Variants in PRDM15 observed in about 807,000 individuals in gnomAD.
PRDM15 encodes PR/SET domain 15.
A neutral mutation model predicts 128.6 loss-of-function variants in PRDM15; 64 were observed. The observed-to-expected ratio is 0.50, with a 90% CI of 0.41 to 0.61. The LOEUF (loss-of-function observed/expected upper bound fraction) is 0.61. Ranked by LOEUF, PRDM15 falls within the 20% of genes least tolerant of loss-of-function variation. PRDM15 has a pLI of 0.00. For missense variants in PRDM15, 1,242 were observed against 1,569.1 expected, an observed-to-expected ratio of 0.79 and a Z score of 3.52; for synonymous variants, 615 against 621.8, an observed-to-expected ratio of 0.99 and a Z score of 0.16.
rs561453859 is a variant in PRDM15, at chr21:41,862,204, C to T, written c.-9-1832G>A. Among the ~76,000 whole-genome samples, 4 of 152,318 alleles carry T rather than the reference C, an allele frequency of 2.6e-5. No individual in the cohort carries two copies. Among genetic ancestry groups the T allele is most frequent in the African/African-American group, 9.6e-5 (4 of 41,576 alleles). ...CCCCTGCAGGAACCCACGTGACTCACGGTCAGGAGCTTGGGCGATGGGAAC... is the reference window on the plus strand; with the variant it reads ...CCCCTGCAGGAACCCACGTGACTCATGGTCAGGAGCTTGGGCGATGGGAAC... On this transcript the variant is annotated intron_variant, in intron 1 of 23. Transcript: ENST00000398548. This position sits in a 1 kb window ranked among gnomAD's most constrained non-coding sequence, Gnocchi z 4.1.
At chr21:41,867,367 T>A in intron 1 of PRDM15, 4 of 1,613,740 alleles carry the variant, frequency 2.5e-6, no homozygotes, top group Non-Finnish European at 3.4e-6. Context: ...AAAAGTTTTG[T>A]GCAAAGGGTC....
chr21:41,826,360 G>T (rs2092495574), intron 12 of PRDM15, among the ~76,000 whole-genome samples: 1 of 152,182 alleles, frequency 6.6e-6, no homozygotes, highest in Non-Finnish European at 1.5e-5. Flanking sequence ...AATGTTCCTA[G>T]GTGGCAGAGC....
chr21:41,816,164 A>G (rs1167265145), intron 18 of PRDM15, among the ~76,000 whole-genome samples: 1 of 152,240 alleles, frequency 6.6e-6, no homozygotes, highest in African/African-American at 2.4e-5. Flanking sequence ...GGTGAGAGAT[A>G]GATTAATACA....
intron 11 of PRDM15, among the ~76,000 whole-genome samples, chr21:41,830,577 C>T (rs1019731102): frequency 6.6e-6 from 1 of 151,762 alleles, no homozygotes; most frequent in Non-Finnish European, 1.5e-5. Context: ...TCAACACACA[C>T]ACCACACACC....
chr21:41,828,279 T>A lies in PRDM15; in HGVS notation c.1421A>T (p.Asn474Ile). ...MCFRFFSTNS[N>I]LSKHKKKHGD... Reference sequence around the variant, plus strand: ...GTGCTTCTTCTTGTGCTTGGAGAGGTTGCTGTTGGTGGAGAAGAATCTGAA... The same window carrying A: ...GTGCTTCTTCTTGTGCTTGGAGAGGATGCTGTTGGTGGAGAAGAATCTGAA... The change falls in exon 12 of 24, where the codon AAC (asparagine) becomes ATC (isoleucine). Residue 474 changes from asparagine (N) to isoleucine (I), a missense_variant. This residue lies in a region of PRDM15 where 612 missense variants were observed against 717.0 expected (regional missense o/e 0.85). Coordinates refer to ENST00000398548, the MANE Select transcript of PRDM15 (RefSeq NM_001040424.3). This position sits in a 1 kb window ranked among gnomAD's most constrained non-coding sequence, Gnocchi z 5.7. The A allele has an allele frequency of 6.2e-7, 1 of 1,613,856 alleles. No homozygotes were observed. Among genetic ancestry groups the A allele is most frequent in the Non-Finnish European group, 8.5e-7 (1 of 1,179,942 alleles).
Position 41,839,837 on chromosome 21 carries a change from G to A in PRDM15, c.657C>T (p.His219=), listed in dbSNP as rs760908614. ...GAGGAAGGCTTTTGGCTTGTTCTAA[G>A]TGGCCCAACAGATGTTCTGCAAAGA... ...LQLLNEHLLG[H]LEQAKSLPPG... The change falls in exon 7 of 24, where the codon CAC becomes CAT. Residue 219 remains histidine, a synonymous_variant. Coordinates refer to ENST00000398548, the MANE Select transcript of PRDM15 (RefSeq NM_001040424.3). 6 of 1,614,110 alleles carry A rather than the reference G, an allele frequency of 3.7e-6. No homozygotes were observed. In the African/African-American group the frequency reaches 8.0e-5, roughly 22 times the overall value.
chr21:41,802,103 C>A (rs907861567), intron 23 of PRDM15, among the ~76,000 whole-genome samples: 1 of 152,130 alleles, frequency 6.6e-6, no homozygotes, highest in Non-Finnish European at 1.5e-5. Flanking sequence ...CAGTACCAAT[C>A]GCTAATAAGA....
At chr21:41,871,161 C>T (rs1338857419) in intron 1 of PRDM15, among the ~76,000 whole-genome samples, 7 of 152,202 alleles carry the variant, frequency 4.6e-5, no homozygotes, top group Non-Finnish European at 1.0e-4. Context: ...CACAATACAG[C>T]AACCACTCCT....
At chr21:41,852,956 G>A (rs768445691) in intron 5 of PRDM15, among the ~76,000 whole-genome samples, 7 of 152,236 alleles carry the variant, frequency 4.6e-5, no homozygotes, top group Non-Finnish European at 1.0e-4. Context: ...AGAGAAGACA[G>A]GCAGAGACTG....
chr21:41,808,156 C>CG (rs1407282993), intron 21 of PRDM15, among the ~76,000 whole-genome samples: 2 of 152,230 alleles, frequency 1.3e-5, no homozygotes, highest in Non-Finnish European at 2.9e-5. Flanking sequence ...ACCGCTCAAA[C>CG]GCCAGCCTTG....
intron 1 of PRDM15, chr21:41,878,916 C>A: frequency 2.1e-6 from 2 of 954,590 alleles, no homozygotes; most frequent in Non-Finnish European, 2.5e-6. Context: ...CCGCGCTGGG[C>A]CTGGCCGCGG....
At chr21:41,835,929 C>G (rs1347408413) in intron 10 of PRDM15, among the ~76,000 whole-genome samples, 184 bp downstream of exon 10, 1 of 83,584 alleles carries the variant, frequency 1.2e-5, no homozygotes, top group Non-Finnish European at 2.6e-5. Context: ...CTCCCTCCCC[C>G]ACAGGGTTTG....
chr21:41,821,239 C>T lies in PRDM15; in HGVS notation c.1897-9G>A. 1 of 1,613,982 alleles carries T rather than the reference C, an allele frequency of 6.2e-7. No individual in the cohort carries two copies. The highest frequency in any genetic ancestry group is 8.5e-7 in the Non-Finnish European group (1 of 1,180,022). ...CCCCGGCCGAAGGTGAGCTGCGGGC[C>T]AGGTGGACAGGGCACTGCTGACACC... is the stretch of plus-strand genomic sequence containing the variant. On this transcript the variant is annotated splice_polypyrimidine_tract_variant and intron_variant, in intron 15 of 23. Transcript: ENST00000398548. The surrounding 1 kb of genome is among the most constrained non-coding windows in gnomAD (Gnocchi z 5.4).
chr21:41,832,517 G>A lies in PRDM15; in HGVS notation c.1366+2920C>T, dbSNP rs1439193827. Among the ~76,000 whole-genome samples the A allele has an allele frequency of 6.6e-6, 1 of 152,112 alleles. No homozygotes were observed. The highest frequency in any genetic ancestry group is 1.5e-5 in the Non-Finnish European group (1 of 68,010). The stretch of plus-strand genomic sequence containing the variant: ...GTGCTGTGGCAACGGATCACCATAG[G>A]CCACACCTTTACAGTGCTGTGGCAT... On this transcript the variant is annotated intron_variant, in intron 11 of 23. Transcript: ENST00000398548. The surrounding 1 kb of genome is among the most constrained non-coding windows in gnomAD (Gnocchi z 4.2).
Position 41,819,710 on chromosome 21 carries a change from AC to A in PRDM15, c.2141-10del. On this transcript the variant is annotated splice_polypyrimidine_tract_variant and intron_variant, in intron 17 of 23. Transcript: ENST00000398548. ...GGCGTGGCTCTTCACACCTGAGAAC[AC>A]AGGCATCTGCCACTCAGAGCCGAGC... 6.3e-7 allele frequency: 1 copy of A among 1,594,492 alleles called. No homozygotes were observed.
chr21:41,868,700 T>C (rs1300633781), intron 1 of PRDM15, among the ~76,000 whole-genome samples: 4 of 147,752 alleles, frequency 2.7e-5, no homozygotes, highest in Non-Finnish European at 4.5e-5. Flanking sequence ...TTTTCTTTTT[T>C]TTTTTTTTTT....
chr21:41,843,950 TAAAAAAA>T (rs1555883669), intron 6 of PRDM15, among the ~76,000 whole-genome samples: 3 of 123,292 alleles, frequency 2.4e-5, no homozygotes, highest in Non-Finnish European at 3.4e-5. Flanking sequence ...CCTTGTATTG[TAAAAAAA>T]AAAAAAAAAA....
intron 22 of PRDM15, 42 bp from the exon 23 acceptor site, chr21:41,802,963 T>G: frequency 6.4e-7 from 1 of 1,561,634 alleles, no homozygotes; most frequent in Non-Finnish European, 8.8e-7. Context: ...GGTTAGTCGG[T>G]CACGTCAGGC....
intron 1 of PRDM15, among the ~76,000 whole-genome samples, chr21:41,869,439 AT>A (rs575371462): frequency 0.24 from 29,498 of 125,374 alleles, 3,151 homozygotes; most frequent in Middle Eastern, 0.35. Context: ...ATCACCGGCT[AT>A]TTTTTTTTTT....
Sources: allele counts gnomAD v4.1 joint callset (sites outside exome capture counted in the v4.1 genomes callset), GRCh38; gene constraint gnomAD v4.1.1; regional missense constraint gnomAD v4.1.1; non-coding constraint Gnocchi (gnomAD v3.1); transcripts MANE v1.5; gene names NCBI Gene and HGNC (gene_info 2026-07-23, HGNC 2026-07-21).